The following LRRC4C variants were observed in gnomAD, a reference collection of about 807,000 sequenced individuals.
LRRC4C encodes leucine-rich repeat-containing protein 4C.
Under a neutral mutation model 33.6 loss-of-function variants are expected in LRRC4C, and 5 were observed. The observed-to-expected ratio is 0.15, with a 90% CI of 0.08 to 0.31. The LOEUF is 0.31. LRRC4C is among the 10% of genes least tolerant of loss of function. The probability of loss-of-function intolerance (pLI) is 1.00; values close to 1 mark genes in which losing one functional copy is unlikely to be tolerated. For missense variants in LRRC4C, 560 were observed against 796.7 expected, an observed-to-expected ratio of 0.70 and a Z score of 3.58; for synonymous variants, 329 against 302.0, an observed-to-expected ratio of 1.09 and a Z score of -0.93.
chr11:41,121,517 C>T (rs972735695), intron 1 of LRRC4C, among the ~76,000 whole-genome samples: 8 of 152,160 alleles, frequency 5.3e-5, no homozygotes, highest in Admixed American at 3.3e-4. Context: ...TACTAGGCAG[C>T]AGTATTTACT....
chr11:40,394,170 C>T (rs1949447179), intron 3 of LRRC4C, among the ~76,000 whole-genome samples: 1 of 152,000 alleles, frequency 6.6e-6, no homozygotes. Flanking sequence ...TTCAGGACCC[C>T]ATTGCTCCAG....
chr11:40,333,474 T>C (rs573444444), intron 3 of LRRC4C, among the ~76,000 whole-genome samples: 1 of 152,002 alleles, frequency 6.6e-6, no homozygotes, highest in Non-Finnish European at 1.5e-5. Flanking sequence ...CCTAGCACTT[T>C]GGGAGGCTGA....
intron 4 of LRRC4C, among the ~76,000 whole-genome samples, chr11:40,274,414 G>GACACACACAC (rs758404396): frequency 0.014 from 867 of 63,078 alleles, 7 homozygotes; most frequent in Non-Finnish European, 0.021. Flanking sequence ...CTGCGGAATA[G>GACACACACAC]ACACACACAT....
At chr11:40,522,768 T>C (rs560053557) in intron 3 of LRRC4C, among the ~76,000 whole-genome samples, 20 of 152,316 alleles carry the variant, frequency 1.3e-4, no homozygotes, top group Non-Finnish European at 2.9e-4. Context: ...ATTTGACTAC[T>C]CTAGGTACTT....
At chr11:40,918,231 G>C (rs920868871) in intron 2 of LRRC4C, among the ~76,000 whole-genome samples, 4 of 151,998 alleles carry the variant, frequency 2.6e-5, no homozygotes, top group African/African-American at 9.7e-5. Context: ...TTATTGTGAG[G>C]ATGTATGTAT....
intron 3 of LRRC4C, among the ~76,000 whole-genome samples, chr11:40,622,765 T>G (rs955880101): frequency 1.3e-5 from 2 of 151,852 alleles, no homozygotes; most frequent in African/African-American, 4.8e-5. Flanking sequence ...AATGTTTCCC[T>G]ATTTGTAAGA....
At chr11:40,961,584 G>A (rs1487521447) in intron 1 of LRRC4C, among the ~76,000 whole-genome samples, 1 of 151,742 alleles carries the variant, frequency 6.6e-6, no homozygotes, top group Non-Finnish European at 1.5e-5. Context: ...TAAAAAGGAA[G>A]TTAATAATGA....
chr11:40,853,446 A>C (rs1953612124), intron 2 of LRRC4C, among the ~76,000 whole-genome samples: 1 of 148,602 alleles, frequency 6.7e-6, no homozygotes, highest in Non-Finnish European at 1.5e-5. Flanking sequence ...ATATTTATAT[A>C]ATTTAACTAT....
intron 1 of LRRC4C, among the ~76,000 whole-genome samples, chr11:41,204,625 T>G (rs1464266615): frequency 1.3e-5 from 2 of 152,232 alleles, no homozygotes; most frequent in Non-Finnish European, 2.9e-5. Context: ...TCAGTAGAAC[T>G]TTTTCATTCT....
chr11:40,553,116 CA>C (rs1307431998), intron 3 of LRRC4C, among the ~76,000 whole-genome samples: 1 of 151,920 alleles, frequency 6.6e-6, no homozygotes. Context: ...ACTAAAAATA[CA>C]AAAAATTAGC....
chr11:40,870,171 G>A (rs114413784), intron 2 of LRRC4C, among the ~76,000 whole-genome samples: 3,061 of 152,194 alleles, frequency 0.02, 103 homozygotes, highest in African/African-American at 0.068. Flanking sequence ...GAAGGGTAAA[G>A]TTATATAAAA....
chr11:41,439,160 T>A (rs570557064), intron 1 of LRRC4C, among the ~76,000 whole-genome samples: 1 of 152,274 alleles, frequency 6.6e-6, no homozygotes, highest in South Asian at 2.1e-4. Context: ...TCATTTCACG[T>A]AGGATAATGG....
chr11:40,230,460 G>T (rs1865121402), intron 5 of LRRC4C, among the ~76,000 whole-genome samples: 1 of 152,186 alleles, frequency 6.6e-6, no homozygotes, highest in South Asian at 2.1e-4. Flanking sequence ...AGGATTTGAT[G>T]ACCAATTAGC....
At chr11:40,911,382 G>C (rs957057316) in intron 2 of LRRC4C, among the ~76,000 whole-genome samples, 2 of 152,140 alleles carry the variant, frequency 1.3e-5, no homozygotes, top group Admixed American at 1.3e-4. Context: ...AACATTTGCT[G>C]TTCACCAATA....
chr11:41,035,637 ACACT>A (rs1857020702), intron 1 of LRRC4C, among the ~76,000 whole-genome samples: 1 of 152,144 alleles, frequency 6.6e-6, no homozygotes, highest in Non-Finnish European at 1.5e-5. Flanking sequence ...GGATGAATAG[ACACT>A]CACACACATA....
chr11:40,260,184 G>T (rs572546573), intron 4 of LRRC4C, among the ~76,000 whole-genome samples: 143 of 121,136 alleles, frequency 1.2e-3, no homozygotes, highest in African/African-American at 3.8e-3. Flanking sequence ...ACTGGATTAA[G>T]AAAATGTGGC....
chr11:41,002,451 G>A (rs1189592199), intron 1 of LRRC4C, among the ~76,000 whole-genome samples: 1 of 152,072 alleles, frequency 6.6e-6, no homozygotes, highest in African/African-American at 2.4e-5. Flanking sequence ...GGGAAGCCAG[G>A]TTTCTAAGAA....
intron 1 of LRRC4C, among the ~76,000 whole-genome samples, chr11:41,177,732 C>T (rs138016942): frequency 1.3e-4 from 20 of 152,282 alleles, no homozygotes; most frequent in African/African-American, 4.8e-4. Context: ...ACAGTAATGA[C>T]TTCCATTTAT....
At chr11:41,325,329 T>C (rs1460888499) in intron 1 of LRRC4C, among the ~76,000 whole-genome samples, 1 of 152,198 alleles carries the variant, frequency 6.6e-6, no homozygotes, top group Non-Finnish European at 1.5e-5. Context: ...TCACTTTTGT[T>C]AGAATCCAGT....
Sources: gnomAD v4.1 joint callset for allele counts (sites outside exome capture counted in the v4.1 genomes callset) on GRCh38, gnomAD v4.1.1 for gene constraint, MANE v1.5 for transcripts, NCBI Gene and HGNC (gene_info 2026-07-23, HGNC 2026-07-21) for gene names.